CALU: variants seen among roughly 807,000 people sequenced by gnomAD.
CALU encodes the protein calumenin, also known as IEF SSP 9302.
Under a neutral mutation model 37.5 loss-of-function variants are expected in CALU, and 13 were observed. The observed-to-expected ratio is 0.35, with a 90% CI of 0.23 to 0.55. The LOEUF (loss-of-function observed/expected upper bound fraction) is 0.55. Ranked by LOEUF, CALU falls within the 20% of genes least tolerant of loss-of-function variation. The pLI, the probability that CALU is intolerant of heterozygous loss-of-function variation, is 0.89. For synonymous variants in CALU, 114 were observed against 133.8 expected (o/e 0.85, Z 1.02); for missense variants, 282 against 391.7 (o/e 0.72, Z 2.36).
chr7:128,757,264 A>C (rs1800920885), intron 3 of CALU, among the ~76,000 whole-genome samples: 1 of 152,098 alleles, frequency 6.6e-6, no homozygotes. Context: ...TATTTATGTT[A>C]CATAGTCCTG....
chr7:128,769,037 CAATT>C, intron 6 of CALU, 22 bp from the exon 7 acceptor site: 1 of 1,264,196 alleles, frequency 7.9e-7, no homozygotes, highest in Non-Finnish European at 1.2e-6. Flanking sequence ...TGTTCTTCTT[CAATT>C]CATTGCTATC....
chr7:128,742,906 T>C (rs1021964402), intron 1 of CALU, among the ~76,000 whole-genome samples: 3 of 152,184 alleles, frequency 2.0e-5, no homozygotes, highest in Non-Finnish European at 4.4e-5. Context: ...GTTCTAATCT[T>C]TTGGTTTGTG....
rs1801522049 is a variant in CALU, at chr7:128,770,604, C to T, written c.*1437C>T. ...AAAAAAAAAAAAAGGAAACGTTTAT[C>T]ATGAATCAACAGGGTTTCAGTCCTT... On this transcript the variant is annotated 3_prime_UTR_variant, in exon 7 of 7. Transcript: ENST00000249364. The T allele has an allele frequency of 6.6e-6, 1 of 151,094 alleles. No homozygotes were observed. Among genetic ancestry groups the T allele is most frequent in the Non-Finnish European group, 1.5e-5 (1 of 67,838 alleles). 9.4% of individuals were successfully genotyped at this position (151,094 alleles called of 1,614,324 possible). A position where few individuals can be genotyped will look rare whatever the true frequency, so the allele number is the denominator to read the frequency against.
At chr7:128,763,097 A>G (rs573732899) in intron 5 of CALU, among the ~76,000 whole-genome samples, 1 of 152,282 alleles carries the variant, frequency 6.6e-6, no homozygotes, top group African/African-American at 2.4e-5. Flanking sequence ...AATCCCAATC[A>G]TTATGTCATT....
chr7:128,761,217 T>C (rs958864015), intron 5 of CALU: 1 of 152,254 alleles, frequency 6.6e-6, no homozygotes, highest in Admixed American at 6.5e-5. Flanking sequence ...TCTGTTTTAT[T>C]ATCATCAGAC....
intron 3 of CALU, among the ~76,000 whole-genome samples, chr7:128,758,207 T>C (rs549957961): frequency 6.6e-6 from 1 of 152,282 alleles, no homozygotes; most frequent in East Asian, 1.9e-4. Flanking sequence ...CTGTCACTCT[T>C]GGTAGATTTC....
intron 4 of CALU, among the ~76,000 whole-genome samples, chr7:128,759,528 G>A (rs1801018758): frequency 6.6e-6 from 1 of 152,174 alleles, no homozygotes; most frequent in Non-Finnish European, 1.5e-5. Context: ...TGATGGGATA[G>A]TTTGTCATTA....
At position 128,769,340 on chromosome 7, in the gene CALU, GCC is replaced by G. The variant is rs1801468884; in HGVS notation, c.*174_*175del. On this transcript the variant is annotated 3_prime_UTR_variant, in exon 7 of 7. Transcript: ENST00000249364. ...CTCCTCTCTGAGGGACTGGAGGGAAGCCGTGCTTCTGAGGAACAACTCTAATT... is the reference window on the plus strand; with the variant it reads ...CTCCTCTCTGAGGGACTGGAGGGAAGGTGCTTCTGAGGAACAACTCTAATT... 1 of 508,828 alleles carries G rather than the reference GCC, an allele frequency of 2.0e-6. No individual in the cohort carries two copies. The highest frequency in any genetic ancestry group is 3.5e-6 in the Non-Finnish European group (1 of 284,928). The allele number at this position is 508,828 out of a possible 1,614,324, so 31.5% of individuals were successfully genotyped here.
At chr7:128,763,791 A>G (rs1339414627) in intron 5 of CALU, among the ~76,000 whole-genome samples, 1 of 152,236 alleles carries the variant, frequency 6.6e-6, no homozygotes, top group Admixed American at 6.5e-5. Flanking sequence ...GTGCTGTAGC[A>G]TGGGAAAAAA....
intron 6 of CALU, among the ~76,000 whole-genome samples, chr7:128,767,879 G>A (rs1007624134): frequency 6.6e-6 from 1 of 152,128 alleles, no homozygotes; most frequent in African/African-American, 2.4e-5. Context: ...TAGGAAATTT[G>A]GCTTCAGAAA....
chr7:128,752,217 T>G lies in CALU; in HGVS notation c.222-2045T>G, dbSNP rs150656561. On this transcript the variant is annotated intron_variant, in intron 2 of 6. Transcript: ENST00000249364. The stretch of plus-strand genomic sequence containing the variant: ...AAAAATATTTACTATCTGTCCCTTT[T>G]TTAAAAAAGAAGTTTGCCTTGTAAA... Among the ~76,000 whole-genome samples, 47 of 152,296 alleles carry G rather than the reference T, an allele frequency of 3.1e-4. No individual in the cohort carries two copies. In the East Asian group the frequency reaches 7.9e-3, roughly 26 times the overall value.
At chr7:128,746,902 G>A (rs951251457) in intron 1 of CALU, among the ~76,000 whole-genome samples, 14 of 151,596 alleles carry the variant, frequency 9.2e-5, no homozygotes, top group Non-Finnish European at 1.8e-4. Context: ...CCAAGTAGCT[G>A]GGACTACAGG....
In CALU at chr7:128,770,075, G is replaced by T. The variant is rs1801501234; in HGVS notation, c.*908G>T. The T allele has an allele frequency of 6.6e-6, 1 of 152,496 alleles. No individual in the cohort carries two copies. The highest frequency in any genetic ancestry group is 2.4e-5 in the African/African-American group (1 of 41,378). 9.4% of individuals were successfully genotyped at this position (152,496 alleles called of 1,614,324 possible). ...CCCATCCGGTTCCTCTTCTTCCCAG[G>T]TGTGCCAAGGAATTAATCTTGGTTT... On this transcript the variant is annotated 3_prime_UTR_variant, in exon 7 of 7. Transcript: ENST00000249364.
intron 2 of CALU, among the ~76,000 whole-genome samples, chr7:128,751,483 T>C (rs1800673090): frequency 6.6e-6 from 1 of 152,080 alleles, no homozygotes; most frequent in Non-Finnish European, 1.5e-5. Context: ...TCCCAGCACT[T>C]TGAGAGGCTG....
At chr7:128,752,508 G>A (rs1250433206) in intron 2 of CALU, among the ~76,000 whole-genome samples, 2 of 152,050 alleles carry the variant, frequency 1.3e-5, no homozygotes, top group Non-Finnish European at 2.9e-5. Context: ...ACTGTACAGT[G>A]GCACTATTGG....
intron 5 of CALU, among the ~76,000 whole-genome samples, chr7:128,767,010 G>C (rs929737745): frequency 4.6e-5 from 7 of 152,132 alleles, no homozygotes; most frequent in Non-Finnish European, 7.4e-5. Context: ...TGTACTCCTT[G>C]ACAGTGTTCC....
Position 128,771,898 on chromosome 7 carries a change from C to G in CALU, c.*2731C>G, listed in dbSNP as rs540359523. 4.6e-5 allele frequency: 7 copies of G among 152,630 alleles called. No homozygotes were observed. The East Asian group carries it at 1.3e-3, about 29-fold the overall frequency. The allele number at this position is 152,630 out of a possible 1,614,324, so 9.5% of individuals were successfully genotyped here. A position where few individuals can be genotyped will look rare whatever the true frequency, so the allele number is the denominator to read the frequency against. On this transcript the variant is annotated 3_prime_UTR_variant, in exon 7 of 7. Transcript: ENST00000249364. ...TAAACTATTAACTTTAGTAAACACA[C>G]AGTTTAAGACAAATATAAAGGTTTA...
Position 128,772,676 on chromosome 7 carries a change from A to G in CALU, c.*3509A>G. The G allele has an allele frequency of 1.2e-6, 2 of 1,614,030 alleles. No homozygotes were observed. The highest frequency in any genetic ancestry group is 4.5e-5 in the East Asian group (2 of 44,884). On this transcript the variant is annotated 3_prime_UTR_variant, in exon 7 of 7. Transcript: ENST00000249364. Reference sequence around the variant, plus strand: ...AGCTTGGAACTGGAGAGAAAGGTACAATTGGAGATAACCTTGGCAGATGAG... The same window carrying G: ...AGCTTGGAACTGGAGAGAAAGGTACGATTGGAGATAACCTTGGCAGATGAG...
intron 3 of CALU, 167 bp downstream of exon 3, chr7:128,754,622 A>C (rs1479252774): frequency 6.4e-7 from 1 of 1,551,840 alleles, no homozygotes; most frequent in African/African-American, 1.4e-5. Flanking sequence ...AGAAATACAT[A>C]TATGACAATG....
Sources: gnomAD v4.1 joint callset for allele counts (sites outside exome capture counted in the v4.1 genomes callset) on GRCh38, gnomAD v4.1.1 for gene constraint, MANE v1.5 for transcripts, NCBI Gene and HGNC (gene_info 2026-07-23, HGNC 2026-07-21) for gene names.